The following SLIT3 variants were observed in gnomAD, a reference collection of about 807,000 sequenced individuals.
The protein encoded by SLIT3 is slit guidance ligand 3, also known as slit homolog 3 protein.
SLIT3 carries 68 observed loss-of-function variants against 184.0 expected under a neutral mutation model. The observed-to-expected ratio is 0.37, with a 90% confidence interval of 0.30 to 0.45. The LOEUF (loss-of-function observed/expected upper bound fraction) is 0.45. Ranked by LOEUF, SLIT3 falls within the 20% of genes least tolerant of loss-of-function variation. SLIT3 has a pLI of 1.00. For missense variants in SLIT3, 1,707 were observed against 2,026.0 expected (o/e 0.84, Z 3.02); for synonymous variants, 831 against 828.6 (o/e 1.00, Z -0.05).
intron 9 of SLIT3, among the ~76,000 whole-genome samples, chr5:168,805,825 C>A (rs1381443417): frequency 1.3e-5 from 2 of 152,210 alleles, no homozygotes; most frequent in Non-Finnish European, 2.9e-5. Flanking sequence ...ACTTCCACCA[C>A]TATTTTACAG....
intron 26 of SLIT3, among the ~76,000 whole-genome samples, chr5:168,700,964 AAG>A (rs1762196288): frequency 6.6e-6 from 1 of 152,242 alleles, no homozygotes; most frequent in Admixed American, 6.5e-5. Flanking sequence ...ACTGCAGGGC[AAG>A]AGCCCAGGCT....
At chr5:168,868,926 G>C (rs532996967) in intron 5 of SLIT3, among the ~76,000 whole-genome samples, 6 of 152,216 alleles carry the variant, frequency 3.9e-5, no homozygotes, top group African/African-American at 1.4e-4. Context: ...TATTCTATTG[G>C]AGAATGGGAT....
At chr5:168,848,775 T>G (rs1054853228) in intron 5 of SLIT3, among the ~76,000 whole-genome samples, 2 of 152,112 alleles carry the variant, frequency 1.3e-5, no homozygotes, top group Non-Finnish European at 2.9e-5. Context: ...GAGTGAGGAC[T>G]TAAAATAATC....
intron 5 of SLIT3, among the ~76,000 whole-genome samples, chr5:168,851,098 G>C (rs925587410): frequency 1.3e-5 from 2 of 152,030 alleles, no homozygotes; most frequent in Admixed American, 6.6e-5. Context: ...CCGAGGCAGG[G>C]GGATCATGAG....
chr5:169,151,373 T>C (rs1762113555), intron 4 of SLIT3, among the ~76,000 whole-genome samples: 1 of 152,144 alleles, frequency 6.6e-6, no homozygotes, highest in Non-Finnish European at 1.5e-5. Flanking sequence ...GCTCCATCCA[T>C]AGTACCACTG....
intron 4 of SLIT3, among the ~76,000 whole-genome samples, chr5:169,037,071 C>T (rs1377529708): frequency 3.3e-5 from 5 of 152,208 alleles, no homozygotes; most frequent in Non-Finnish European, 2.9e-5. Context: ...AGGTCCCTAA[C>T]TGCACCCTCT....
chr5:168,691,899 A>T (rs950325031), intron 29 of SLIT3, among the ~76,000 whole-genome samples: 4 of 152,202 alleles, frequency 2.6e-5, no homozygotes, highest in Admixed American at 6.5e-5. Context: ...AGCTTTCATG[A>T]AGGAAGGTGA....
intron 29 of SLIT3, among the ~76,000 whole-genome samples, chr5:168,689,016 C>T (rs1194819883): frequency 6.6e-6 from 1 of 152,190 alleles, no homozygotes; most frequent in African/African-American, 2.4e-5. Flanking sequence ...CAGTGGAGGT[C>T]GGGAGGCAAA....
chr5:168,806,490 G>A lies in SLIT3; in HGVS notation c.891C>T (p.Gly297=), dbSNP rs755383538. 1 of 1,614,200 alleles carries A rather than the reference G, an allele frequency of 6.2e-7. No individual in the cohort carries two copies. Among genetic ancestry groups the A allele is most frequent in the South Asian group, 1.1e-5 (1 of 91,086 alleles). Residue 297 remains glycine, a synonymous_variant, in exon 9 of 36, where the codon GGC becomes GGT. Transcript: ENST00000519560. ...GCAAGTTGGCAGGAATCTCCATCAA[G>A]CCCTTTCCTCGACAGTCCACGATGT... ...SNNIVDCRGK[G]LMEIPANLPE...
intron 25 of SLIT3, chr5:168,708,718 G>A (rs1475587941): frequency 3.9e-5 from 6 of 155,314 alleles, no homozygotes; most frequent in Admixed American, 3.1e-4. Context: ...GGAGGTCAGG[G>A]TCCTTCCCAG....
At chr5:168,686,174 G>A (rs1421022476) in intron 30 of SLIT3, among the ~76,000 whole-genome samples, 1 of 152,198 alleles carries the variant, frequency 6.6e-6, no homozygotes, top group Non-Finnish European at 1.5e-5. Flanking sequence ...CCCAGTTACA[G>A]GGGAGGATCG....
chr5:168,692,743 G>A, intron 28 of SLIT3, 43 bp from the exon 29 acceptor site: 2 of 1,419,006 alleles, frequency 1.4e-6, no homozygotes, highest in Non-Finnish European at 2.0e-6. Flanking sequence ...AGGCAGGGTA[G>A]GGATGCCCTG....
At chr5:168,966,063 T>C (rs1763177754) in intron 4 of SLIT3, among the ~76,000 whole-genome samples, 1 of 152,178 alleles carries the variant, frequency 6.6e-6, no homozygotes, top group Non-Finnish European at 1.5e-5. Context: ...ATATTGATTA[T>C]GAGATACGAT....
intron 26 of SLIT3, among the ~76,000 whole-genome samples, chr5:168,701,353 G>A (rs1397816979): frequency 6.6e-6 from 1 of 152,276 alleles, no homozygotes; most frequent in East Asian, 1.9e-4. Context: ...ATCTGGAGTG[G>A]GGTCCAGGCT....
intron 4 of SLIT3, among the ~76,000 whole-genome samples, chr5:169,154,889 C>T (rs184917580): frequency 2.4e-4 from 37 of 152,304 alleles, no homozygotes; most frequent in Non-Finnish European, 4.1e-4. Context: ...ATAAGCTCAT[C>T]GAGGCTTTTC....
chr5:169,022,636 C>T (rs1209936318), intron 4 of SLIT3: 1 of 152,086 alleles, frequency 6.6e-6, no homozygotes, highest in Non-Finnish European at 1.5e-5. Flanking sequence ...AAGGTTGAGC[C>T]AGAGATGTGT....
At chr5:168,726,092 C>T (rs1447847866) in intron 20 of SLIT3, among the ~76,000 whole-genome samples, 1 of 151,944 alleles carries the variant, frequency 6.6e-6, no homozygotes, top group Non-Finnish European at 1.5e-5. Flanking sequence ...AAGAGCTATG[C>T]TAGATCCTGG....
At chr5:169,046,636 T>C (rs529097833) in intron 4 of SLIT3, among the ~76,000 whole-genome samples, 3 of 152,222 alleles carry the variant, frequency 2.0e-5, no homozygotes, top group Middle Eastern at 6.8e-3. Context: ...AAAAACACAT[T>C]CCTTTTGGGC....
intron 4 of SLIT3, among the ~76,000 whole-genome samples, chr5:169,114,305 G>T (rs1760563588): frequency 6.6e-6 from 1 of 152,218 alleles, no homozygotes; most frequent in South Asian, 2.1e-4. Flanking sequence ...CCTGATATGT[G>T]AACAGAGGAA....
Sources: gnomAD v4.1 joint callset for allele counts (sites outside exome capture counted in the v4.1 genomes callset) on GRCh38, gnomAD v4.1.1 for gene constraint, MANE v1.5 for transcripts, NCBI Gene and HGNC (gene_info 2026-07-23, HGNC 2026-07-21) for gene names.